Variants in ROR1 observed in about 807,000 individuals in gnomAD.
ROR1 encodes the protein inactive tyrosine-protein kinase transmembrane receptor ROR1.
Under a neutral mutation model 78.8 loss-of-function variants are expected in ROR1, and 19 were observed. The ratio of observed to expected loss-of-function variants is 0.24; its 90% confidence interval spans 0.17 to 0.35. The LOEUF is 0.35. ROR1 is among the 10% of genes least tolerant of loss of function. The pLI is 1.00. For synonymous variants in ROR1, 386 were observed against 433.6 expected (o/e 0.89, Z 1.36); for missense variants, 917 against 1,177.8 (o/e 0.78, Z 3.24).
intron 1 of ROR1, among the ~76,000 whole-genome samples, chr1:63,891,121 G>T (rs539363857): frequency 2.0e-5 from 3 of 152,276 alleles, no homozygotes; most frequent in Admixed American, 6.5e-5. Context: ...TACACAAAAT[G>T]CTGATTCCCT....
intron 7 of ROR1, among the ~76,000 whole-genome samples, chr1:64,147,176 G>A (rs889130421): frequency 3.9e-5 from 6 of 152,150 alleles, no homozygotes; most frequent in South Asian, 4.1e-4. Flanking sequence ...GTATTACTCA[G>A]TGTGTTATTA....
At chr1:64,001,525 T>C (rs1264018871) in intron 1 of ROR1, among the ~76,000 whole-genome samples, 1 of 152,242 alleles carries the variant, frequency 6.6e-6, no homozygotes. Flanking sequence ...ACCATAATTC[T>C]GTGAGCTGTT....
chr1:63,774,637 AC>A lies in ROR1; in HGVS notation c.91+130del. On this transcript the variant is annotated intron_variant, in intron 1 of 8. Coordinates refer to ENST00000371079, the MANE Select transcript of ROR1 (RefSeq NM_005012.4). The surrounding 1 kb of genome is among the most constrained non-coding windows in gnomAD (Gnocchi z 5.7). ...TCCGGGGCGCGTCCGGCCACCCGCC[AC>A]GGGGCTCGCCGGCGCCGCCAGGCCA... is the stretch of plus-strand genomic sequence containing the variant. The A allele has an allele frequency of 2.8e-6, 1 of 353,462 alleles. No homozygotes were observed. The highest frequency in any genetic ancestry group is 1.8e-4 in the East Asian group (1 of 5,636). The allele number at this position is 353,462 out of a possible 1,614,324, so 21.9% of individuals were successfully genotyped here.
At chr1:64,025,320 T>A (rs1281465620) in intron 2 of ROR1, among the ~76,000 whole-genome samples, 3 of 152,160 alleles carry the variant, frequency 2.0e-5, no homozygotes, top group Non-Finnish European at 4.4e-5. Context: ...AGAAGCCTGA[T>A]AAGTGGTGGT....
At chr1:63,790,085 C>G (rs1644716559) in intron 1 of ROR1, among the ~76,000 whole-genome samples, 1 of 152,170 alleles carries the variant, frequency 6.6e-6, no homozygotes, top group Non-Finnish European at 1.5e-5. Flanking sequence ...GATTTCCACT[C>G]ACATGCTCTC....
rs138859560 is a variant in ROR1, at chr1:64,075,996, C to G, written c.482+25280C>G. Among the ~76,000 whole-genome samples the G allele has an allele frequency of 7.2e-5, 11 of 152,316 alleles. No homozygotes were observed. The East Asian group carries it at 2.1e-3, about 29-fold the overall frequency. ...AGTGGGTTTCCTCCAGTGTGATATT[C>G]TGTGCCTCACCTATCAAGAGGTGTT... is the stretch of plus-strand genomic sequence containing the variant. On this transcript the variant is annotated intron_variant, in intron 4 of 8. Coordinates refer to ENST00000371079, the MANE Select transcript of ROR1 (RefSeq NM_005012.4).
intron 2 of ROR1, among the ~76,000 whole-genome samples, chr1:64,040,318 T>C (rs912047255): frequency 4.6e-5 from 7 of 152,210 alleles, no homozygotes; most frequent in Non-Finnish European, 2.9e-5. Context: ...ACTTTGGTCA[T>C]ATTATATAAA....
chr1:64,107,104 A>G (rs1569771627), intron 4 of ROR1: 1 of 152,250 alleles, frequency 6.6e-6, no homozygotes, highest in East Asian at 1.9e-4. Context: ...AGTAATAATA[A>G]TAGTCAGAGG....
In ROR1 at chr1:64,142,880, A is replaced by G. The variant is rs11587715; in HGVS notation, c.1174+230A>G. 258,439 of 1,366,110 alleles carry G rather than the reference A, an allele frequency of 0.19. 25,421 individuals carry two copies. Among genetic ancestry groups the G allele is most frequent in the Middle Eastern group, 0.21 (745 of 3,630 alleles). 84.6% of individuals were successfully genotyped at this position (1,366,110 alleles called of 1,614,324 possible). ...CTTTATACCTGCAGCCATTGCACTC[A>G]TGGATGTAACAGGGACCCAGCCCTT... On this transcript the variant is annotated intron_variant, in intron 7 of 8. Transcript: ENST00000371079.
chr1:63,843,800 G>T (rs1569805296), intron 1 of ROR1: 1 of 352,880 alleles, frequency 2.8e-6, no homozygotes, highest in South Asian at 2.5e-5. Context: ...AGATCAGGCT[G>T]CACATTGCTC....
intron 4 of ROR1, among the ~76,000 whole-genome samples, chr1:64,104,071 G>A (rs1190344443): frequency 6.6e-6 from 1 of 152,130 alleles, no homozygotes; most frequent in Non-Finnish European, 1.5e-5. Context: ...AACGTCAATA[G>A]CGCTGAGATT....
At chr1:63,812,988 T>A (rs1395744849) in intron 1 of ROR1, among the ~76,000 whole-genome samples, 1 of 151,996 alleles carries the variant, frequency 6.6e-6, no homozygotes, top group Non-Finnish European at 1.5e-5. Flanking sequence ...TGCTGTTAGG[T>A]GCTTCCCACC....
intron 1 of ROR1, among the ~76,000 whole-genome samples, chr1:63,884,144 A>G (rs953131839): frequency 3.3e-5 from 5 of 152,188 alleles, no homozygotes; most frequent in Middle Eastern, 3.4e-3. Context: ...TTTCACACCA[A>G]TGGCCAGCAG....
chr1:64,101,561 C>T (rs2100657747), intron 4 of ROR1, among the ~76,000 whole-genome samples: 1 of 152,228 alleles, frequency 6.6e-6, no homozygotes, highest in Admixed American at 6.5e-5. Context: ...TGAGCCAGCT[C>T]CTGTTCTAAG....
intron 7 of ROR1, among the ~76,000 whole-genome samples, chr1:64,156,219 G>C (rs906449333): frequency 2.6e-5 from 4 of 152,204 alleles, no homozygotes; most frequent in Non-Finnish European, 5.9e-5. Flanking sequence ...GAGTTTGCTT[G>C]GAGTGGCAAA....
intron 4 of ROR1, among the ~76,000 whole-genome samples, chr1:64,088,743 A>C (rs998483149): frequency 6.6e-6 from 1 of 152,220 alleles, no homozygotes; most frequent in Non-Finnish European, 1.5e-5. Context: ...TCTGACAATT[A>C]GGAGAAGCAT....
intron 1 of ROR1, among the ~76,000 whole-genome samples, chr1:63,870,488 A>G (rs1483374960): frequency 6.6e-6 from 1 of 152,176 alleles, no homozygotes; most frequent in Non-Finnish European, 1.5e-5. Context: ...AAAAGAAGAG[A>G]ATTTAGAAGG....
intron 2 of ROR1, among the ~76,000 whole-genome samples, chr1:64,037,788 G>C (rs780482817): frequency 1.3e-5 from 2 of 152,132 alleles, no homozygotes; most frequent in Non-Finnish European, 2.9e-5. Context: ...AAGTGGGGAA[G>C]CTGTGAGAAG....
At chr1:63,916,177 T>A (rs967806724) in intron 1 of ROR1, among the ~76,000 whole-genome samples, 7 of 152,230 alleles carry the variant, frequency 4.6e-5, no homozygotes, top group African/African-American at 1.4e-4. Flanking sequence ...AGGCAGCCCT[T>A]GCAGATTTTT....
Sources: gnomAD v4.1 joint callset for allele counts (sites outside exome capture counted in the v4.1 genomes callset) on GRCh38, gnomAD v4.1.1 for gene constraint, Gnocchi (gnomAD v3.1) non-coding constraint, MANE v1.5 for transcripts, NCBI Gene and HGNC (gene_info 2026-07-23, HGNC 2026-07-21) for gene names.